AVL9: variants seen among roughly 807,000 people sequenced by gnomAD.
The protein encoded by AVL9 is late secretory pathway protein AVL9 homolog.
A neutral mutation model predicts 79.2 loss-of-function variants in AVL9; 49 were observed. That is an observed-to-expected ratio of 0.62 (90% CI 0.49 to 0.79). The LOEUF (loss-of-function observed/expected upper bound fraction) is 0.79, where lower values mean the gene tolerates loss of function less well. AVL9 is among the 30% of genes least tolerant of loss of function. The probability of loss-of-function intolerance (pLI) is 0.00; values close to 1 mark genes in which losing one functional copy is unlikely to be tolerated. For synonymous variants in AVL9, 299 were observed against 280.6 expected (o/e 1.07, Z -0.65); for missense variants, 682 against 776.8 (o/e 0.88, Z 1.45).
intron 1 of AVL9, among the ~76,000 whole-genome samples, chr7:32,506,139 A>G (rs1787403211): frequency 6.6e-6 from 1 of 152,178 alleles, no homozygotes; most frequent in Non-Finnish European, 1.5e-5. Context: ...GGCACAAGAG[A>G]TTAACAAAAA....
intron 1 of AVL9, among the ~76,000 whole-genome samples, chr7:32,525,339 A>G (rs1163993280): frequency 1.3e-5 from 2 of 152,226 alleles, no homozygotes; most frequent in African/African-American, 4.8e-5. Flanking sequence ...TATTTTACCA[A>G]GACTTTCACT....
In AVL9 at chr7:32,573,304, G is replaced by A. The variant is rs760938182; in HGVS notation, c.1456G>A (p.Glu486Lys). Reference protein sequence around the residue: ...FADYLVRHVTENRDDVFLDGT... With the variant: ...FADYLVRHVTKNRDDVFLDGT... Reference sequence around the variant, plus strand: ...AGACTACCTAGTGAGGCACGTGACTGAGAATCGGGATGACGTCTTCCTAGA... The same window carrying A: ...AGACTACCTAGTGAGGCACGTGACTAAGAATCGGGATGACGTCTTCCTAGA... Residue 486 changes from glutamate to lysine, a missense_variant, in exon 12 of 16, where the codon GAG (glutamate) becomes AAG (lysine). Glu to Lys is a moderately conservative substitution (Grantham distance 56, BLOSUM62 1). Transcript: ENST00000318709. 4 of 1,613,746 alleles carry A rather than the reference G, an allele frequency of 2.5e-6. No individual in the cohort carries two copies. In the African/African-American group the frequency reaches 5.3e-5, roughly 22 times the overall value.
chr7:32,500,967 G>A (rs76900405), intron 1 of AVL9, among the ~76,000 whole-genome samples: 2,396 of 152,194 alleles, frequency 0.016, 75 homozygotes, highest in African/African-American at 0.055. Flanking sequence ...TGGTCTATAT[G>A]TCTAAAAAGC....
At chr7:32,530,537 G>A (rs1993056) in intron 1 of AVL9, among the ~76,000 whole-genome samples, 151,918 of 152,390 alleles carry the variant, frequency 1, 75,728 homozygotes, top group Middle Eastern at 1. Flanking sequence ...TACTTAGTAG[G>A]GTTCTCAATT....
At chr7:32,576,408 A>T (rs1303075313) in intron 13 of AVL9, among the ~76,000 whole-genome samples, 1 of 152,212 alleles carries the variant, frequency 6.6e-6, no homozygotes, top group African/African-American at 2.4e-5. Context: ...GTTCAACAAG[A>T]TAGAATCCTA....
chr7:32,559,352 T>C lies in AVL9; in HGVS notation c.1103T>C (p.Leu368Pro). Residue 368 changes from leucine to proline, a missense_variant, in exon 10 of 16, where the codon CTT (leucine) becomes CCT (proline). Transcript: ENST00000318709. ...FPKDSVPSES[L>P]PITVQPQANT... ...AAGGACTCTGTCCCCTCAGAGAGTC[T>C]TCCAATTACTGTACAACCTCAAGCT... is the stretch of plus-strand genomic sequence containing the variant. The C allele has an allele frequency of 6.2e-7, 1 of 1,614,130 alleles. No individual in the cohort carries two copies. Among genetic ancestry groups the C allele is most frequent in the Non-Finnish European group, 8.5e-7 (1 of 1,180,028 alleles).
At chr7:32,581,661 A>G (rs972540583) in intron 15 of AVL9, 2 of 152,080 alleles carry the variant, frequency 1.3e-5, no homozygotes, top group East Asian at 1.9e-4. Context: ...GTGAGACCCC[A>G]TCTCTAAAAA....
intron 1 of AVL9, chr7:32,536,517 AT>A (rs1788916408): frequency 7.5e-6 from 1 of 133,388 alleles, no homozygotes; most frequent in Non-Finnish European, 1.6e-5. Flanking sequence ...TAAATATACC[AT>A]CAATTTGGAA....
chr7:32,584,828 G>A lies in AVL9; in HGVS notation c.*921G>A, dbSNP rs937822214. 6.9e-6 allele frequency: 1 copy of A among 144,366 alleles called. No individual in the cohort carries two copies. Among genetic ancestry groups the A allele is most frequent in the African/African-American group, 2.6e-5 (1 of 38,736 alleles). The allele number at this position is 144,366 out of a possible 1,614,324, so 8.9% of individuals were successfully genotyped here. On this transcript the variant is annotated 3_prime_UTR_variant, in exon 16 of 16. Coordinates refer to ENST00000318709, the MANE Select transcript of AVL9 (RefSeq NM_015060.3). ...TCTATCGCCCAGGCTGGAGTGCAGT[G>A]GTGCCATCTCGGCTCACTGCAACCT...
intron 1 of AVL9, among the ~76,000 whole-genome samples, chr7:32,541,256 C>T (rs977273122): frequency 8.6e-5 from 13 of 152,018 alleles, no homozygotes; most frequent in African/African-American, 3.1e-4. Context: ...TAAAGAGAAA[C>T]ATATTTCATG....
intron 13 of AVL9, 52 bp downstream of exon 13, chr7:32,576,124 G>T (rs1247223768): frequency 8.5e-7 from 1 of 1,183,066 alleles, no homozygotes; most frequent in Non-Finnish European, 1.2e-6. Flanking sequence ...GTTTACGAGT[G>T]CCCAATACAG....
Position 32,495,695 on chromosome 7 carries a change from C to T in AVL9, c.-15C>T. The T allele has an allele frequency of 8.0e-7, 1 of 1,255,202 alleles. No individual in the cohort carries two copies. Among genetic ancestry groups the T allele is most frequent in the Middle Eastern group, 2.4e-4 (1 of 4,188 alleles). 77.8% of individuals were successfully genotyped at this position (1,255,202 alleles called of 1,614,324 possible). ...TGGCGGTCGAAGTCGTCGTGCGGGC[C>T]CGCGGCGGCCGCCCATGGAGAAGGC... On this transcript the variant is annotated 5_prime_UTR_variant, in exon 1 of 16. Coordinates refer to ENST00000318709, the MANE Select transcript of AVL9 (RefSeq NM_015060.3).
At chr7:32,498,946 C>T (rs6964436) in intron 1 of AVL9, among the ~76,000 whole-genome samples, 65,323 of 65,342 alleles carry the variant, frequency 1, 32,654 homozygotes, top group Middle Eastern at 1. Context: ...GGTGGATCAC[C>T]TGAGGTGAGG....
At chr7:32,579,376 G>T (rs1357806723) in intron 13 of AVL9, among the ~76,000 whole-genome samples, 1 of 21,086 alleles carries the variant, frequency 4.7e-5, no homozygotes, top group African/African-American at 2.1e-4. Context: ...TATAATATAT[G>T]TTATATAACA....
At chr7:32,572,052 C>CG (rs1262827714) in intron 11 of AVL9, among the ~76,000 whole-genome samples, 11 of 151,690 alleles carry the variant, frequency 7.3e-5, no homozygotes, top group Non-Finnish European at 1.6e-4. Context: ...ATCCCAGCTA[C>CG]GCGGGAGGCT....
At chr7:32,497,841 C>T (rs1322927475) in intron 1 of AVL9, among the ~76,000 whole-genome samples, 1 of 151,978 alleles carries the variant, frequency 6.6e-6, no homozygotes, top group Non-Finnish European at 1.5e-5. Flanking sequence ...TTAGTAGAGA[C>T]GGGGTTTCAC....
At chr7:32,574,207 T>C (rs1455303837) in intron 12 of AVL9, among the ~76,000 whole-genome samples, 1 of 149,920 alleles carries the variant, frequency 6.7e-6, no homozygotes, top group Non-Finnish European at 1.5e-5. Flanking sequence ...TGGCATTAGA[T>C]ACATTCATTG....
chr7:32,542,887 C>T (rs896968087), intron 1 of AVL9, among the ~76,000 whole-genome samples: 16 of 152,170 alleles, frequency 1.1e-4, no homozygotes, highest in African/African-American at 3.9e-4. Flanking sequence ...TCACCAACCC[C>T]ACTACCATTA....
intron 1 of AVL9, among the ~76,000 whole-genome samples, chr7:32,541,992 G>C (rs1789232535): frequency 6.6e-6 from 1 of 152,110 alleles, no homozygotes; most frequent in Admixed American, 6.5e-5. Flanking sequence ...GAGAATTCAG[G>C]TGTGAGCCAC....
Sources: gnomAD v4.1 joint callset for allele counts (sites outside exome capture counted in the v4.1 genomes callset) on GRCh38, gnomAD v4.1.1 for gene constraint, MANE v1.5 for transcripts, NCBI Gene and HGNC (gene_info 2026-07-23, HGNC 2026-07-21) for gene names.